The following MLLT10 variants were observed in gnomAD, a reference collection of about 807,000 sequenced individuals.
MLLT10 encodes the protein MLLT10 histone lysine methyltransferase DOT1L cofactor, also known as protein AF-10.
In MLLT10, 30 loss-of-function variants were observed where a neutral mutation model predicts 129.1. That is an observed-to-expected ratio of 0.23 (90% CI 0.17 to 0.32). The LOEUF is 0.32. Ranked by LOEUF, MLLT10 falls within the 10% of genes least tolerant of loss-of-function variation. The probability of loss-of-function intolerance (pLI) is 1.00; values close to 1 mark genes in which losing one functional copy is unlikely to be tolerated. For synonymous variants in MLLT10, 490 were observed against 446.4 expected, an observed-to-expected ratio of 1.10 and a Z score of -1.23; for missense variants, 1,119 against 1,268.3, an observed-to-expected ratio of 0.88 and a Z score of 1.79.
At chr10:21,652,955 A>G (rs1332719228) in intron 9 of MLLT10, among the ~76,000 whole-genome samples, 1 of 152,232 alleles carries the variant, frequency 6.6e-6, no homozygotes, top group Non-Finnish European at 1.5e-5. Flanking sequence ...TCCATGGATG[A>G]TTCCAAAGAT....
At chr10:21,712,931 A>T (rs1401206541) in intron 13 of MLLT10, among the ~76,000 whole-genome samples, 1 of 152,228 alleles carries the variant, frequency 6.6e-6, no homozygotes, top group African/African-American at 2.4e-5. Flanking sequence ...CTTTTAAAAA[A>T]TTAACTTGTT....
intron 8 of MLLT10, among the ~76,000 whole-genome samples, chr10:21,630,197 A>C (rs934093363): frequency 6.6e-6 from 1 of 152,176 alleles, no homozygotes; most frequent in Non-Finnish European, 1.5e-5. Context: ...TTATTTTCAA[A>C]AGTGTTTAAA....
At chr10:21,708,082 G>A (rs2055703750) in intron 13 of MLLT10, among the ~76,000 whole-genome samples, 1 of 152,122 alleles carries the variant, frequency 6.6e-6, no homozygotes, top group Admixed American at 6.5e-5. Flanking sequence ...TAAATTCCCA[G>A]AGAGCTAAAA....
intron 8 of MLLT10, among the ~76,000 whole-genome samples, chr10:21,640,079 G>A: frequency 6.6e-6 from 1 of 150,788 alleles, no homozygotes. Context: ...AGATACGCCT[G>A]TTTTTTTAGT....
At chr10:21,615,224 G>C (rs1268903590) in intron 7 of MLLT10, among the ~76,000 whole-genome samples, 5 of 151,874 alleles carry the variant, frequency 3.3e-5, no homozygotes, top group African/African-American at 1.2e-4. Flanking sequence ...TTGGGAGGCC[G>C]AGGCGGGTGG....
chr10:21,537,292 C>T (rs2034211004), intron 2 of MLLT10, among the ~76,000 whole-genome samples: 1 of 151,880 alleles, frequency 6.6e-6, no homozygotes, highest in African/African-American at 2.4e-5. Flanking sequence ...AATTTATATT[C>T]TTTCTTTCTT....
At chr10:21,666,284 T>C (rs2050788275) in intron 9 of MLLT10, among the ~76,000 whole-genome samples, 1 of 152,202 alleles carries the variant, frequency 6.6e-6, no homozygotes, top group African/African-American at 2.4e-5. Context: ...GGTTTTGTGC[T>C]ATTTTTATCA....
chr10:21,675,346 A>G (rs556510717), intron 11 of MLLT10, among the ~76,000 whole-genome samples: 27 of 152,320 alleles, frequency 1.8e-4, no homozygotes, highest in South Asian at 4.1e-4. Context: ...CAGAATCCCC[A>G]GTCCCTGCCC....
intron 13 of MLLT10, among the ~76,000 whole-genome samples, chr10:21,698,222 C>G (rs539083039): frequency 6.6e-6 from 1 of 152,290 alleles, no homozygotes; most frequent in South Asian, 2.1e-4. Context: ...TCCCTCCTAC[C>G]CTCACACTCT....
At chr10:21,694,073 A>G (rs901259932) in intron 13 of MLLT10, among the ~76,000 whole-genome samples, 9 of 152,330 alleles carry the variant, frequency 5.9e-5, no homozygotes, top group Admixed American at 4.6e-4. Context: ...AAACTCATGG[A>G]AAAATTGCAA....
chr10:21,555,298 C>A (rs533756333), intron 3 of MLLT10, among the ~76,000 whole-genome samples: 1 of 152,186 alleles, frequency 6.6e-6, no homozygotes, highest in Non-Finnish European at 1.5e-5. Flanking sequence ...TCTTGGCTCA[C>A]TGCAGTCCCC....
At chr10:21,562,630 A>T (rs1419867046) in intron 3 of MLLT10, among the ~76,000 whole-genome samples, 2 of 151,778 alleles carry the variant, frequency 1.3e-5, no homozygotes, top group Non-Finnish European at 2.9e-5. Flanking sequence ...GAGCCACCAC[A>T]CCTGGCGTGG....
chr10:21,571,319 C>T (rs1481144168), intron 3 of MLLT10, among the ~76,000 whole-genome samples: 3 of 151,662 alleles, frequency 2.0e-5, no homozygotes, highest in Non-Finnish European at 4.4e-5. Flanking sequence ...CTCTTCATTT[C>T]TCTCTCTCTC....
intron 3 of MLLT10, among the ~76,000 whole-genome samples, chr10:21,583,260 C>G (rs1367240304): frequency 1.3e-5 from 2 of 152,100 alleles, no homozygotes; most frequent in African/African-American, 4.8e-5. Context: ...TTGGGAGTCA[C>G]TGTTACATTT....
At chr10:21,568,125 G>A (rs1452073333) in intron 3 of MLLT10, among the ~76,000 whole-genome samples, 4 of 152,204 alleles carry the variant, frequency 2.6e-5, no homozygotes, top group Middle Eastern at 6.8e-3. Context: ...GCCTTGTTGG[G>A]GGTTCTTTTA....
chr10:21,555,889 ACT>A (rs2037867627), intron 3 of MLLT10, among the ~76,000 whole-genome samples: 1 of 147,170 alleles, frequency 6.8e-6, no homozygotes, highest in Non-Finnish European at 1.5e-5. Flanking sequence ...CTGGTCTCGA[ACT>A]CCCGACCTCA....
intron 20 of MLLT10, 128 bp from the exon 21 acceptor site, chr10:21,735,011 G>T: frequency 4.6e-6 from 3 of 656,846 alleles, no homozygotes. Flanking sequence ...ACTGTTTTCA[G>T]AGTGTTTGGA....
Position 21,663,890 on chromosome 10 carries a change from A to G in MLLT10, c.796-6559A>G, listed in dbSNP as rs11012766. Among the ~76,000 whole-genome samples the G allele has an allele frequency of 4.2e-3, 639 of 152,170 alleles. 32 individuals carry two copies. In the East Asian group the frequency reaches 0.11, roughly 25 times the overall value. On this transcript the variant is annotated intron_variant, in intron 9 of 22. Coordinates refer to ENST00000307729, the MANE Select transcript of MLLT10 (RefSeq NM_001195626.3). ...TTAGCAGTTTGCCCTGTGACCTCTCAATTCACTGATATAAGAGTTGGTGAT... is the reference window on the plus strand; with the variant it reads ...TTAGCAGTTTGCCCTGTGACCTCTCGATTCACTGATATAAGAGTTGGTGAT...
intron 3 of MLLT10, among the ~76,000 whole-genome samples, chr10:21,565,800 C>T (rs944364712): frequency 1.3e-5 from 2 of 151,394 alleles, no homozygotes; most frequent in African/African-American, 4.9e-5. Context: ...GGGACCAAGT[C>T]TTGTTATGTT....
Sources: gnomAD v4.1 joint callset for allele counts (sites outside exome capture counted in the v4.1 genomes callset) on GRCh38, gnomAD v4.1.1 for gene constraint, MANE v1.5 for transcripts, NCBI Gene and HGNC (gene_info 2026-07-23, HGNC 2026-07-21) for gene names.